The following MAPK8IP3 variants were observed in gnomAD, a reference collection of about 807,000 sequenced individuals.
The protein encoded by MAPK8IP3 is mitogen-activated protein kinase 8 interacting protein 3, also known as C-Jun-amino-terminal kinase-interacting protein 3.
Under a neutral mutation model 157.8 loss-of-function variants are expected in MAPK8IP3, and 49 were observed. The observed-to-expected ratio is 0.31, with a 90% CI of 0.25 to 0.39. The LOEUF is 0.39. Ranked by LOEUF, MAPK8IP3 falls within the 10% of genes least tolerant of loss-of-function variation. The pLI, the probability that MAPK8IP3 is intolerant of heterozygous loss-of-function variation, is 1.00. For missense variants in MAPK8IP3, 1,478 were observed against 1,889.4 expected, an observed-to-expected ratio of 0.78 and a Z score of 4.04; for synonymous variants, 897 against 777.7, an observed-to-expected ratio of 1.15 and a Z score of -2.55.
intron 4 of MAPK8IP3, among the ~76,000 whole-genome samples, chr16:1,738,151 T>C (rs2040196925): frequency 1.1e-5 from 1 of 94,754 alleles, no homozygotes; most frequent in Non-Finnish European, 2.0e-5. Flanking sequence ...TGACCATCCA[T>C]GTGAGCATCT....
rs768346010 is a variant in MAPK8IP3, at chr16:1,743,426, C to T, written c.697C>T (p.His233Tyr). The stretch of plus-strand genomic sequence containing the variant: ...GGGCAAGCTCGTGCCTGCGGGGGAC[C>T]ACTGGCACCTGAGTGACCTCGGCCA... ...IGGKLVPAGD[H>Y]WHLSDLGQLQ... is the part of the protein sequence containing the mutation. Residue 233 changes from histidine to tyrosine, a missense_variant, in exon 5 of 32, where the codon CAC becomes TAC. Transcript: ENST00000610761. This position sits in a 1 kb window ranked among gnomAD's most constrained non-coding sequence, Gnocchi z 5.6. 10 of 1,610,086 alleles carry T rather than the reference C, an allele frequency of 6.2e-6. No individual in the cohort carries two copies. In the Admixed American group the frequency reaches 1.2e-4, roughly 19 times the overall value.
Position 1,724,591 on chromosome 16 carries a change from A to C in MAPK8IP3, c.353A>C (p.Glu118Ala). The C allele has an allele frequency of 6.2e-7, 1 of 1,613,624 alleles. No homozygotes were observed. Among genetic ancestry groups the C allele is most frequent in the Non-Finnish European group, 8.5e-7 (1 of 1,179,978 alleles). ...GAGTTTGAAGATGCTCTGGAACAAG[A>C]GAAGAAAGAGCTGCAAATCCAGGTG... ...FIEFEDALEQ[E>A]KKELQIQVEH... is the part of the protein sequence containing the mutation. The change falls in exon 2 of 32, where the codon GAG (glutamate) becomes GCG (alanine). Residue 118 changes from glutamate to alanine, a missense_variant. Glu to Ala is a moderately radical substitution (Grantham distance 107). Coordinates refer to ENST00000610761, the MANE Select transcript of MAPK8IP3 (RefSeq NM_001318852.2). The surrounding 1 kb of genome is among the most constrained non-coding windows in gnomAD (Gnocchi z 4.1).
intron 1 of MAPK8IP3, among the ~76,000 whole-genome samples, chr16:1,716,303 G>A (rs902520691): frequency 6.8e-6 from 1 of 147,920 alleles, no homozygotes; most frequent in Non-Finnish European, 1.5e-5. Context: ...ATGCTCTCAG[G>A]TCATTTCTTT....
rs1052453579 is a variant in MAPK8IP3 at position 1,706,689 on chromosome 16, C to T, written c.318+32C>T. 2.7e-6 allele frequency: 4 copies of T among 1,507,024 alleles called. No homozygotes were observed. Among genetic ancestry groups the T allele is most frequent in the African/African-American group, 1.4e-5 (1 of 72,084 alleles). 93.4% of individuals were successfully genotyped at this position (1,507,024 alleles called of 1,614,324 possible). ...GGGCCGCGGGACCCGCCCGCATCCC[C>T]GTCCCGGACCCCCAGCCAGCCCCGG... On this transcript the variant is annotated intron_variant, in intron 1 of 31. Coordinates refer to ENST00000610761, the MANE Select transcript of MAPK8IP3 (RefSeq NM_001318852.2). The surrounding 1 kb of genome is among the most constrained non-coding windows in gnomAD (Gnocchi z 5.1).
intron 2 of MAPK8IP3, among the ~76,000 whole-genome samples, chr16:1,728,026 G>A (rs774992882): frequency 1.3e-5 from 2 of 152,262 alleles, no homozygotes; most frequent in East Asian, 1.9e-4. Context: ...CTCTCACCTC[G>A]TGGCGTCAGC....
Position 1,764,402 on chromosome 16 carries a change from C to G in MAPK8IP3, c.2223C>G (p.Cys741Trp). The change falls in exon 19 of 32, where the codon TGC (cysteine) becomes TGG (tryptophan). Residue 741 changes from cysteine to tryptophan, a missense_variant. By Grantham distance (215) the Cys-to-Trp change is radical (BLOSUM62 -2). Around this residue, in one of 11 missense-constraint regions of MAPK8IP3, gnomAD observed 669 missense variants for 759.8 expected, o/e 0.88. Coordinates refer to ENST00000610761, the MANE Select transcript of MAPK8IP3 (RefSeq NM_001318852.2). Reference sequence around the variant, plus strand: ...CGCCAGGCCGCGATCCCCTGACCTGCGACCGCGAAGGAGACGGCGAGCCCA... The same window carrying G: ...CGCCAGGCCGCGATCCCCTGACCTGGGACCGCGAAGGAGACGGCGAGCCCA... ...KPAPGRDPLT[C>W]DREGDGEPKS... 6.2e-7 allele frequency: 1 copy of G among 1,602,900 alleles called. No individual in the cohort carries two copies. Among genetic ancestry groups the G allele is most frequent in the Non-Finnish European group, 8.5e-7 (1 of 1,176,300 alleles).
At chr16:1,744,239 G>A in intron 5 of MAPK8IP3, 2 of 985,600 alleles carry the variant, frequency 2.0e-6, no homozygotes, top group Non-Finnish European at 2.4e-6. Context: ...GGGTCTGGTG[G>A]ATTTCCCACA....
At chr16:1,723,086 C>T (rs1486706365) in intron 1 of MAPK8IP3, among the ~76,000 whole-genome samples, 1 of 151,426 alleles carries the variant, frequency 6.6e-6, no homozygotes, top group African/African-American at 2.4e-5. Flanking sequence ...GGCTGGAGTA[C>T]AGTGGTGGGG....
At chr16:1,714,486 C>T (rs187151513) in intron 1 of MAPK8IP3, among the ~76,000 whole-genome samples, 3 of 152,350 alleles carry the variant, frequency 2.0e-5, no homozygotes, top group South Asian at 4.1e-4. Flanking sequence ...CCGTGTGGTG[C>T]GTTTCTCACA....
chr16:1,736,570 C>G (rs1413832461), intron 4 of MAPK8IP3, among the ~76,000 whole-genome samples: 4 of 61,080 alleles, frequency 6.5e-5, no homozygotes, highest in African/African-American at 6.6e-5. Flanking sequence ...CCGTGTGTGA[C>G]CGTCCGTGTG....
chr16:1,755,853 A>G (rs75614708), intron 8 of MAPK8IP3, among the ~76,000 whole-genome samples: 2 of 149,338 alleles, frequency 1.3e-5, no homozygotes, highest in Non-Finnish European at 1.5e-5. Context: ...TCTTTCTCAA[A>G]AAAAAAAAAA....
intron 1 of MAPK8IP3, among the ~76,000 whole-genome samples, chr16:1,709,222 G>A (rs569155864): frequency 2.0e-5 from 3 of 152,320 alleles, no homozygotes; most frequent in East Asian, 3.9e-4. Context: ...GACTCCCAAT[G>A]TGCTCTGATA....
chr16:1,761,185 G>C lies in MAPK8IP3; in HGVS notation c.1458-39G>C. The C allele has an allele frequency of 1.9e-6, 3 of 1,543,678 alleles. No homozygotes were observed. The South Asian group carries it at 3.3e-5, about 17-fold the overall frequency. ...CGCTATGTGTTCCCGAGGCCCCTGG[G>C]AGGCCCTCACCCTCCCTGCCTCCTT... On this transcript the variant is annotated intron_variant, in intron 12 of 31. Transcript: ENST00000610761.
Position 1,728,156 on chromosome 16 carries a change from G to A in MAPK8IP3, c.440-982G>A, listed in dbSNP as rs186466215. On this transcript the variant is annotated intron_variant, in intron 2 of 31. Transcript: ENST00000610761. Reference sequence around the variant, plus strand: ...ACATAGAGTGGGGTCCCCTGGCTGCGGCTGCCCGTCGGCCTGTCATGCTGC... The same window carrying A: ...ACATAGAGTGGGGTCCCCTGGCTGCAGCTGCCCGTCGGCCTGTCATGCTGC... Among the ~76,000 whole-genome samples the A allele has an allele frequency of 1.1e-3, 163 of 152,332 alleles. 3 individuals carry two copies. Among genetic ancestry groups the A allele is most frequent in the Admixed American group, 9.3e-3 (143 of 15,302 alleles).
At chr16:1,712,058 TTTTTTTTTTTTTTTC>T (rs1401344585) in intron 1 of MAPK8IP3, among the ~76,000 whole-genome samples, 3 of 109,268 alleles carry the variant, frequency 2.7e-5, no homozygotes, top group South Asian at 7.2e-4. Context: ...GTTCTTTTTT[TTTTTTTTTTTTTTTC>T]TTTTTTGAGA....
intron 9 of MAPK8IP3, among the ~76,000 whole-genome samples, chr16:1,758,393 G>A (rs1031132989): frequency 3.3e-5 from 5 of 151,996 alleles, no homozygotes; most frequent in Non-Finnish European, 5.9e-5. Context: ...AGTCCCCCGC[G>A]GGCCATTTCT....
At chr16:1,767,953 C>T (rs1229833478) in intron 28 of MAPK8IP3, 35 bp downstream of exon 28, 1 of 1,607,226 alleles carries the variant, frequency 6.2e-7, no homozygotes, top group Admixed American at 1.7e-5. Context: ...GGCAGTGGTG[C>T]TGCCAGAGGT....
intron 4 of MAPK8IP3, among the ~76,000 whole-genome samples, chr16:1,732,190 A>G (rs2039361111): frequency 6.6e-6 from 1 of 152,182 alleles, no homozygotes; most frequent in Admixed American, 6.5e-5. Flanking sequence ...GCGGGGAGGA[A>G]GGGCCTGAAG....
In MAPK8IP3 at chr16:1,742,761, G is replaced by A. The variant is rs938617673; in HGVS notation, c.603-571G>A. Among the ~76,000 whole-genome samples the A allele has an allele frequency of 3.9e-5, 6 of 152,280 alleles. No individual in the cohort carries two copies. Among genetic ancestry groups the A allele is most frequent in the South Asian group, 2.1e-4 (1 of 4,818 alleles). ...TCATGGTGGCCGTGCAGCGCTGACC[G>A]TGATGCCAAGTCCCGTGGCTGGCTC... On this transcript the variant is annotated intron_variant, in intron 4 of 31. Coordinates refer to ENST00000610761, the MANE Select transcript of MAPK8IP3 (RefSeq NM_001318852.2). The surrounding 1 kb of genome is among the most constrained non-coding windows in gnomAD (Gnocchi z 5.0).
Sources: gnomAD v4.1 joint callset for allele counts (sites outside exome capture counted in the v4.1 genomes callset) on GRCh38, gnomAD v4.1.1 for gene constraint, gnomAD v4.1.1 regional missense constraint, Gnocchi (gnomAD v3.1) non-coding constraint, MANE v1.5 for transcripts, NCBI Gene and HGNC (gene_info 2026-07-23, HGNC 2026-07-21) for gene names.